FSHR: variants seen among roughly 807,000 people sequenced by gnomAD.
FSHR encodes follicle stimulating hormone receptor.
In FSHR, 46 loss-of-function variants were observed where a neutral mutation model predicts 52.1. The ratio of observed to expected loss-of-function variants is 0.88; its 90% CI spans 0.70 to 1.13. The LOEUF (loss-of-function observed/expected upper bound fraction) is 1.13. Among genes scored for constraint, FSHR ranks in the 50% most tolerant of loss-of-function variants. The probability of loss-of-function intolerance (pLI) is 0.00; values close to 1 mark genes in which losing one functional copy is unlikely to be tolerated. For missense variants in FSHR, 964 were observed against 834.6 expected (o/e 1.16, Z -1.91); for synonymous variants, 399 against 309.6 (o/e 1.29, Z -3.03).
intron 6 of FSHR, 81 bp from the exon 7 acceptor site, chr2:48,983,247 A>G: frequency 7.7e-7 from 1 of 1,297,296 alleles, no homozygotes; most frequent in East Asian, 2.3e-5. Flanking sequence ...GCACTGAGCA[A>G]GGGCAGACAG....
chr2:49,108,230 G>A (rs1671301611), intron 1 of FSHR, among the ~76,000 whole-genome samples: 2 of 152,126 alleles, frequency 1.3e-5, no homozygotes, highest in Admixed American at 6.6e-5. Context: ...CTGCTTCTCA[G>A]GTCTTCAGAT....
At chr2:49,136,093 G>C (rs1457351229) in intron 1 of FSHR, among the ~76,000 whole-genome samples, 2 of 151,630 alleles carry the variant, frequency 1.3e-5, no homozygotes, top group Non-Finnish European at 2.9e-5. Context: ...TCTTTGAAAA[G>C]ATTAAAAAAA....
intron 2 of FSHR, among the ~76,000 whole-genome samples, chr2:49,053,296 T>C (rs1330982952): frequency 6.6e-6 from 1 of 152,210 alleles, no homozygotes; most frequent in Non-Finnish European, 1.5e-5. Context: ...TTTCCAAAGA[T>C]ATTTTGTTAT....
chr2:49,057,302 TAAATA>T (rs1344637598), intron 2 of FSHR, among the ~76,000 whole-genome samples: 1 of 151,420 alleles, frequency 6.6e-6, no homozygotes, highest in African/African-American at 2.4e-5. Flanking sequence ...AATAACCAAA[TAAATA>T]AAATCAGAAA....
Position 48,963,138 on chromosome 2 carries a change from G to A in FSHR, c.1683C>T (p.Ile561=), listed in dbSNP as rs757713421. The change falls in exon 10 of 10, where the codon ATC becomes ATT. Residue 561 remains isoleucine (I), a synonymous_variant. Transcript: ENST00000406846. The part of the protein sequence containing the change: ...HIYLTVRNPN[I]VSSSSDTRIA... ...TCCTGGTGTCACTAGAGGAGGACACGATGTTGGGGTTCCGCACTGTGAGGT... is the reference window on the plus strand; with the variant it reads ...TCCTGGTGTCACTAGAGGAGGACACAATGTTGGGGTTCCGCACTGTGAGGT... 11 of 1,613,984 alleles carry A rather than the reference G, an allele frequency of 6.8e-6. No homozygotes were observed. The highest frequency in any genetic ancestry group is 3.3e-5 in the Admixed American group (2 of 59,980).
intron 2 of FSHR, among the ~76,000 whole-genome samples, chr2:49,026,720 C>T (rs1012402256): frequency 6.6e-6 from 1 of 152,180 alleles, no homozygotes; most frequent in East Asian, 1.9e-4. Context: ...GTGCCCAACA[C>T]AGCCGAGTAA....
chr2:49,066,080 C>A (rs1418421001), intron 2 of FSHR, among the ~76,000 whole-genome samples: 1 of 151,932 alleles, frequency 6.6e-6, no homozygotes, highest in Non-Finnish European at 1.5e-5. Context: ...AGCAAGTGGG[C>A]AGGCTAAGAA....
chr2:49,102,478 G>C (rs1455170808), intron 1 of FSHR, among the ~76,000 whole-genome samples: 1 of 152,096 alleles, frequency 6.6e-6, no homozygotes, highest in Non-Finnish European at 1.5e-5. Flanking sequence ...CAAGACGTAT[G>C]GTGTTTACAA....
chr2:49,127,344 A>G (rs1277996742), intron 1 of FSHR, among the ~76,000 whole-genome samples: 3 of 151,574 alleles, frequency 2.0e-5, no homozygotes, highest in Non-Finnish European at 4.4e-5. Flanking sequence ...AAAAAAAAAG[A>G]AAAACAGAAA....
intron 2 of FSHR, among the ~76,000 whole-genome samples, chr2:49,049,348 G>C (rs745878135): frequency 9.2e-5 from 14 of 152,128 alleles, no homozygotes; most frequent in African/African-American, 2.2e-4. Flanking sequence ...ACCTCACTTG[G>C]CTGTTGATTA....
At chr2:49,014,596 A>G in intron 4 of FSHR, 1 of 238,520 alleles carries the variant, frequency 4.2e-6, no homozygotes, top group Non-Finnish European at 8.3e-6. Context: ...CCTCATTCAT[A>G]AGAACAAATG....
At chr2:49,062,269 T>C (rs1669339315) in intron 2 of FSHR, among the ~76,000 whole-genome samples, 1 of 152,108 alleles carries the variant, frequency 6.6e-6, no homozygotes, top group South Asian at 2.1e-4. Context: ...TACATATTTA[T>C]AGTGAAGTGA....
chr2:48,964,083 T>C, intron 9 of FSHR, 117 bp from the exon 10 acceptor site: 14 of 963,184 alleles, frequency 1.5e-5, no homozygotes, highest in Non-Finnish European at 1.9e-5. Context: ...TTTTTTTTCT[T>C]CTCACATCAT....
intron 2 of FSHR, among the ~76,000 whole-genome samples, chr2:49,030,440 G>T (rs971589783): frequency 1.3e-5 from 2 of 151,932 alleles, no homozygotes; most frequent in Non-Finnish European, 2.9e-5. Flanking sequence ...TCCCCAAATG[G>T]CTTTTCTCCT....
chr2:49,058,461 C>T (rs550625545), intron 2 of FSHR, among the ~76,000 whole-genome samples: 30 of 152,010 alleles, frequency 2.0e-4, no homozygotes, highest in South Asian at 1.7e-3. Context: ...GCAGGGGAAT[C>T]GCTGGAACCG....
At chr2:49,013,772 C>A (rs578115747) in intron 4 of FSHR, among the ~76,000 whole-genome samples, 1 of 151,750 alleles carries the variant, frequency 6.6e-6, no homozygotes, top group East Asian at 1.9e-4. Context: ...ATGAATTGAA[C>A]GTTTGTGTCC....
At chr2:49,019,250 CTAA>C (rs113895169) in intron 3 of FSHR, among the ~76,000 whole-genome samples, 10 of 152,250 alleles carry the variant, frequency 6.6e-5, no homozygotes, top group African/African-American at 2.2e-4. Flanking sequence ...TTTTATTTAC[CTAA>C]TATTTCCTAA....
chr2:49,029,256 G>A (rs1249940906), intron 2 of FSHR, among the ~76,000 whole-genome samples: 2 of 152,174 alleles, frequency 1.3e-5, no homozygotes, highest in African/African-American at 4.8e-5. Context: ...AGCACACATC[G>A]TGGCTGCTGT....
chr2:49,089,259 G>A (rs1461471644), intron 1 of FSHR, among the ~76,000 whole-genome samples: 1 of 152,024 alleles, frequency 6.6e-6, no homozygotes, highest in Non-Finnish European at 1.5e-5. Context: ...TCCTCTGTAG[G>A]GATGGAATGA....
Sources: gnomAD v4.1 joint callset for allele counts (sites outside exome capture counted in the v4.1 genomes callset) on GRCh38, gnomAD v4.1.1 for gene constraint, MANE v1.5 for transcripts, NCBI Gene and HGNC (gene_info 2026-07-23, HGNC 2026-07-21) for gene names.